The following ZNF148 variants were observed in gnomAD, a reference collection of about 807,000 sequenced individuals.
ZNF148 encodes Beta-Enolase Repressor Factor-1.
ZNF148 carries 7 observed loss-of-function variants against 67.7 expected under a neutral mutation model. The ratio of observed to expected loss-of-function variants is 0.10; its 90% CI spans 0.06 to 0.19. The LOEUF is 0.19. Ranked by LOEUF, ZNF148 falls within the 10% of genes least tolerant of loss-of-function variation. ZNF148 has a pLI of 1.00. For synonymous variants in ZNF148, 333 were observed against 330.7 expected, an observed-to-expected ratio of 1.01 and a Z score of -0.08; for missense variants, 583 against 947.1, an observed-to-expected ratio of 0.62 and a Z score of 5.05.
At chr3:125,305,592 G>A (rs939688170) in intron 4 of ZNF148, among the ~76,000 whole-genome samples, 4 of 151,916 alleles carry the variant, frequency 2.6e-5, no homozygotes, top group Non-Finnish European at 5.9e-5. Context: ...CAGGAGGATC[G>A]CTCGAACCCA....
intron 4 of ZNF148, among the ~76,000 whole-genome samples, chr3:125,293,185 T>C (rs978670954): frequency 6.6e-6 from 1 of 152,182 alleles, no homozygotes; most frequent in Non-Finnish European, 1.5e-5. Context: ...TCCTCAGTAT[T>C]TTTTAAGAGT....
chr3:125,369,254 C>G (rs1342983094), intron 1 of ZNF148, among the ~76,000 whole-genome samples: 1 of 84,198 alleles, frequency 1.2e-5, no homozygotes, highest in East Asian at 3.0e-4. Context: ...AGAGTGAGAT[C>G]CTGCCTCAAA....
At chr3:125,241,453 A>G (rs911859200) in intron 7 of ZNF148, among the ~76,000 whole-genome samples, 22 of 152,104 alleles carry the variant, frequency 1.4e-4, no homozygotes, top group Admixed American at 7.2e-4. Flanking sequence ...TTGACACAAC[A>G]TAAGTAAAAA....
intron 7 of ZNF148, among the ~76,000 whole-genome samples, chr3:125,244,284 T>G (rs1025775789): frequency 6.6e-6 from 1 of 152,164 alleles, no homozygotes; most frequent in Admixed American, 6.5e-5. Context: ...ACTGTTAAGG[T>G]AAACTATATA....
intron 7 of ZNF148, among the ~76,000 whole-genome samples, chr3:125,249,574 G>A (rs1306910210): frequency 6.6e-6 from 1 of 151,990 alleles, no homozygotes; most frequent in African/African-American, 2.4e-5. Context: ...TGCCGAGATT[G>A]TAAACTGACA....
At chr3:125,370,990 A>G (rs1346163936) in intron 1 of ZNF148, among the ~76,000 whole-genome samples, 1 of 151,890 alleles carries the variant, frequency 6.6e-6, no homozygotes, top group Non-Finnish European at 1.5e-5. Flanking sequence ...CACATTTCCC[A>G]TCTCTCCCTA....
Position 125,228,826 on chromosome 3 carries a change from A to G in ZNF148, c.*3515T>C, listed in dbSNP as rs896270015. 3.9e-5 allele frequency: 6 copies of G among 152,638 alleles called. No individual in the cohort carries two copies. The highest frequency in any genetic ancestry group is 1.9e-4 in the East Asian group (1 of 5,204). The allele number at this position is 152,638 out of a possible 1,614,324, so 9.5% of individuals were successfully genotyped here. On this transcript the variant is annotated 3_prime_UTR_variant, in exon 9 of 9. Coordinates refer to ENST00000360647, the MANE Select transcript of ZNF148 (RefSeq NM_021964.3). ...TAGGTACATCCTTATTTGATGAACC[A>G]TATTTACAGCATGGTATTGCATAAA...
intron 1 of ZNF148, among the ~76,000 whole-genome samples, chr3:125,331,590 C>G (rs1941293837): frequency 6.6e-6 from 1 of 152,114 alleles, no homozygotes; most frequent in Admixed American, 6.5e-5. Context: ...TCACTAAAAT[C>G]ATATTTTGAT....
At chr3:125,284,443 A>G (rs1381851431) in intron 5 of ZNF148, among the ~76,000 whole-genome samples, 1 of 152,192 alleles carries the variant, frequency 6.6e-6, no homozygotes, top group Admixed American at 6.5e-5. Context: ...CACGTCACCA[A>G]GGAATGAGAA....
chr3:125,290,293 C>T (rs771369527), intron 4 of ZNF148, among the ~76,000 whole-genome samples: 13 of 152,118 alleles, frequency 8.5e-5, no homozygotes, highest in Non-Finnish European at 1.5e-4. Flanking sequence ...CTTGCCACTC[C>T]CTATGCCGGT....
chr3:125,346,587 G>A lies in ZNF148; in HGVS notation c.-233-15349C>T, dbSNP rs541149941. ...AGGGAGGAAGATGATTGGATCACAC[G>A]AGCAGTTCCCCCATGCTATTCTCAT... On this transcript the variant is annotated intron_variant, in intron 1 of 8. Coordinates refer to ENST00000360647, the MANE Select transcript of ZNF148 (RefSeq NM_021964.3). Among the ~76,000 whole-genome samples, 10 of 152,246 alleles carry A rather than the reference G, an allele frequency of 6.6e-5. No homozygotes were observed. In the East Asian group the frequency reaches 9.6e-4, roughly 15 times the overall value.
chr3:125,326,893 G>C (rs947698025), intron 2 of ZNF148, among the ~76,000 whole-genome samples: 1 of 149,280 alleles, frequency 6.7e-6, no homozygotes, highest in African/African-American at 2.4e-5. Flanking sequence ...GTGTGTAGCA[G>C]ATACCAAAAT....
chr3:125,371,351 T>C (rs1239523915), intron 1 of ZNF148, among the ~76,000 whole-genome samples: 2 of 69,212 alleles, frequency 2.9e-5, no homozygotes, highest in East Asian at 9.7e-4. Context: ...AGTGAGACCC[T>C]GTTTCAAAAA....
intron 7 of ZNF148, among the ~76,000 whole-genome samples, chr3:125,245,288 C>T (rs1034860338): frequency 1.4e-4 from 21 of 152,182 alleles, no homozygotes; most frequent in Admixed American, 7.9e-4. Flanking sequence ...CATTTCCCCT[C>T]ATGCCGTTCT....
intron 7 of ZNF148, among the ~76,000 whole-genome samples, chr3:125,266,793 G>C (rs1173053024): frequency 6.6e-6 from 1 of 151,910 alleles, no homozygotes; most frequent in Non-Finnish European, 1.5e-5. Flanking sequence ...GGATAAACAA[G>C]ATTGACAGAC....
intron 7 of ZNF148, among the ~76,000 whole-genome samples, chr3:125,240,314 C>T (rs1480228540): frequency 1.3e-5 from 2 of 151,952 alleles, no homozygotes; most frequent in African/African-American, 4.8e-5. Context: ...GCTAACATGG[C>T]GAAACACCCC....
chr3:125,302,288 G>C (rs1275790884), intron 4 of ZNF148, among the ~76,000 whole-genome samples: 2 of 150,674 alleles, frequency 1.3e-5, no homozygotes, highest in Non-Finnish European at 2.9e-5. Context: ...AACAGTGAGA[G>C]GATCACTTGA....
chr3:125,260,711 C>G (rs952063935), intron 7 of ZNF148, among the ~76,000 whole-genome samples: 1 of 152,084 alleles, frequency 6.6e-6, no homozygotes, highest in African/African-American at 2.4e-5. Context: ...TCAACACGCA[C>G]AGAACTATAC....
intron 5 of ZNF148, among the ~76,000 whole-genome samples, chr3:125,280,664 C>T (rs1938329466): frequency 2.0e-5 from 2 of 101,338 alleles, no homozygotes; most frequent in African/African-American, 8.5e-5. Flanking sequence ...CTGGGCAATA[C>T]AGTAAAACCC....
Sources: gnomAD v4.1 joint callset for allele counts (sites outside exome capture counted in the v4.1 genomes callset) on GRCh38, gnomAD v4.1.1 for gene constraint, MANE v1.5 for transcripts, NCBI Gene and HGNC (gene_info 2026-07-23, HGNC 2026-07-21) for gene names.